RAB31: variants seen among roughly 807,000 people sequenced by gnomAD.
RAB31 encodes RAB31, member RAS oncogene family.
A neutral mutation model predicts 25.6 loss-of-function variants in RAB31; 21 were observed. That is an observed-to-expected ratio of 0.82 (90% CI 0.58 to 1.18). RAB31 has a LOEUF of 1.18. Ranked by LOEUF, RAB31 falls within the 50% of genes most tolerant of loss-of-function variation. The pLI, the probability that RAB31 is intolerant of heterozygous loss-of-function variation, is 0.00. For synonymous variants in RAB31, 87 were observed against 84.0 expected, an observed-to-expected ratio of 1.04 and a Z score of -0.20; for missense variants, 196 against 250.1, an observed-to-expected ratio of 0.78 and a Z score of 1.46.
chr18:9,781,816 T>A (rs1323394805), intron 2 of RAB31, among the ~76,000 whole-genome samples: 1 of 152,242 alleles, frequency 6.6e-6, no homozygotes, highest in African/African-American at 2.4e-5. Context: ...AAGTGACACA[T>A]GCAGTTTTCC....
At chr18:9,709,617 C>T (rs764751040) in intron 1 of RAB31, among the ~76,000 whole-genome samples, 70 of 152,342 alleles carry the variant, frequency 4.6e-4, no homozygotes, top group Non-Finnish European at 7.8e-4. Context: ...TCACCGGCCT[C>T]TTCCAAAACC....
At chr18:9,719,899 C>G (rs940577030) in intron 1 of RAB31, among the ~76,000 whole-genome samples, 1 of 152,180 alleles carries the variant, frequency 6.6e-6, no homozygotes, top group Non-Finnish European at 1.5e-5. Context: ...CGCCGTGCCA[C>G]AGCAGGCACT....
chr18:9,798,065 A>G lies in RAB31; in HGVS notation c.201+5830A>G, dbSNP rs147824990. Among the ~76,000 whole-genome samples, 8 of 152,374 alleles carry G rather than the reference A, an allele frequency of 5.3e-5. No homozygotes were observed. The East Asian group carries it at 1.5e-3, about 29-fold the overall frequency. On this transcript the variant is annotated intron_variant, in intron 3 of 6. Coordinates refer to ENST00000578921, the MANE Select transcript of RAB31 (RefSeq NM_006868.4). Reference sequence around the variant, plus strand: ...GACATCTGACTCCATTGATACATCCATAATTTTAAAGAAATCACTAGCATT... The same window carrying G: ...GACATCTGACTCCATTGATACATCCGTAATTTTAAAGAAATCACTAGCATT...
chr18:9,742,787 G>C (rs986742860), intron 1 of RAB31, among the ~76,000 whole-genome samples: 2 of 152,150 alleles, frequency 1.3e-5, no homozygotes, highest in African/African-American at 2.4e-5. Context: ...GGCTTGACCT[G>C]TGCAGAGTGC....
chr18:9,813,879 A>T, intron 3 of RAB31, 141 bp from the exon 4 acceptor site: 1 of 470,732 alleles, frequency 2.1e-6, no homozygotes, highest in Non-Finnish European at 3.7e-6. Context: ...ATAAATAAAT[A>T]ATATGAACCA....
At position 9,749,905 on chromosome 18, in the gene RAB31, G is replaced by C. The variant is rs116518682; in HGVS notation, c.40-25373G>C. On this transcript the variant is annotated intron_variant, in intron 1 of 6. Transcript: ENST00000578921. ...GGGTTGCCCTGCCACAAGTGAACAG[G>C]TCCCAGCATGAAAGCAGGGACAAGA... Among the ~76,000 whole-genome samples, 108 of 152,264 alleles carry C rather than the reference G, an allele frequency of 7.1e-4. 1 individual carries two copies. The highest frequency in any genetic ancestry group is 2.6e-3 in the African/African-American group (106 of 41,554).
chr18:9,800,839 A>G lies in RAB31; in HGVS notation c.201+8604A>G, dbSNP rs149938960. Reference sequence around the variant, plus strand: ...TGAGATCCGATTCACGTACCATACAATTTATCCATCTAAAGTACGCACCTT... The same window carrying G: ...TGAGATCCGATTCACGTACCATACAGTTTATCCATCTAAAGTACGCACCTT... On this transcript the variant is annotated intron_variant, in intron 3 of 6. Transcript: ENST00000578921. 7.3e-3 allele frequency among the ~76,000 whole-genome samples: 1,106 copies of G among 152,222 alleles called. 11 individuals carry two copies. The highest frequency in any genetic ancestry group is 0.024 in the African/African-American group (1,012 of 41,528).
chr18:9,826,597 TC>T (rs2068651217), intron 5 of RAB31, among the ~76,000 whole-genome samples: 4 of 152,204 alleles, frequency 2.6e-5, no homozygotes, highest in Admixed American at 6.5e-5. Flanking sequence ...TGGATCTTTT[TC>T]TAGGTTCCTG....
intron 5 of RAB31, among the ~76,000 whole-genome samples, chr18:9,828,156 G>C (rs1220102372): frequency 6.6e-6 from 1 of 152,166 alleles, no homozygotes; most frequent in African/African-American, 2.4e-5. Flanking sequence ...GCAGGGAGGG[G>C]CCGTCAAGAA....
intron 3 of RAB31, among the ~76,000 whole-genome samples, chr18:9,793,240 AT>A (rs368388873): frequency 0.12 from 18,085 of 145,438 alleles, 1,275 homozygotes; most frequent in African/African-American, 0.21. Flanking sequence ...CACCTGGCTG[AT>A]TTTTTTTTTT....
chr18:9,796,526 C>T (rs2068487779), intron 3 of RAB31, among the ~76,000 whole-genome samples: 1 of 147,956 alleles, frequency 6.8e-6, no homozygotes. Context: ...GTTATTTGGA[C>T]CCAGTGTTTC....
intron 1 of RAB31, among the ~76,000 whole-genome samples, chr18:9,751,718 G>A (rs187336898): frequency 2.2e-4 from 33 of 152,326 alleles, no homozygotes; most frequent in African/African-American, 5.5e-4. Context: ...GCTGGTGCAC[G>A]TAAAAAAGTG....
At chr18:9,725,288 A>T (rs1444029584) in intron 1 of RAB31, among the ~76,000 whole-genome samples, 2 of 152,194 alleles carry the variant, frequency 1.3e-5, no homozygotes, top group African/African-American at 4.8e-5. Flanking sequence ...ATTAGACTCC[A>T]CCTCTTGATG....
intron 6 of RAB31, among the ~76,000 whole-genome samples, chr18:9,847,233 C>T (rs2143139306): frequency 6.6e-6 from 1 of 152,362 alleles, no homozygotes; most frequent in Non-Finnish European, 1.5e-5. Flanking sequence ...GGCTCTTCTG[C>T]TATGCTCAGC....
rs1475624489 is a variant in RAB31, at chr18:9,708,545, C to G, written c.39+101C>G. On this transcript the variant is annotated intron_variant, in intron 1 of 6. Coordinates refer to ENST00000578921, the MANE Select transcript of RAB31 (RefSeq NM_006868.4). This position sits in a 1 kb window ranked among gnomAD's most constrained non-coding sequence, Gnocchi z 6.4. ...GCTCAGTCCCCGTGATCCCCTCGCT[C>G]TCCGCACCCCTCTCGTAGCCCCCGT... 1 of 1,036,674 alleles carries G rather than the reference C, an allele frequency of 9.6e-7. No homozygotes were observed. The highest frequency in any genetic ancestry group is 1.3e-6 in the Non-Finnish European group (1 of 758,104). The allele number at this position is 1,036,674 out of a possible 1,614,324, so 64.2% of individuals were successfully genotyped here.
intron 3 of RAB31, among the ~76,000 whole-genome samples, chr18:9,800,977 C>A (rs12454158): frequency 1.3e-5 from 2 of 152,136 alleles, no homozygotes; most frequent in Non-Finnish European, 1.5e-5. Flanking sequence ...CCAGTTCCCC[C>A]TCTACATCCC....
chr18:9,788,639 T>TATGA (rs1166265258), intron 2 of RAB31, among the ~76,000 whole-genome samples: 2 of 152,210 alleles, frequency 1.3e-5, no homozygotes, highest in African/African-American at 4.8e-5. Context: ...ACAGCCAAGC[T>TATGA]ATGAAATCAA....
intron 1 of RAB31, among the ~76,000 whole-genome samples, chr18:9,713,235 A>G (rs2068026820): frequency 6.6e-6 from 1 of 152,238 alleles, no homozygotes; most frequent in African/African-American, 2.4e-5. Context: ...GGTAATGATC[A>G]CATTTGCTTT....
intron 1 of RAB31, among the ~76,000 whole-genome samples, chr18:9,719,330 A>ATATATATATATAT (rs1568161334): frequency 3.3e-4 from 11 of 33,772 alleles, no homozygotes; most frequent in African/African-American, 6.5e-4. Context: ...TATATATATA[A>ATATATATATATAT]ATAAATAAAT....
Sources: allele counts gnomAD v4.1 joint callset (sites outside exome capture counted in the v4.1 genomes callset), GRCh38; gene constraint gnomAD v4.1.1; non-coding constraint Gnocchi (gnomAD v3.1); transcripts MANE v1.5; gene names NCBI Gene and HGNC (gene_info 2026-07-23, HGNC 2026-07-21).